AIG1: variants seen among roughly 807,000 people sequenced by gnomAD.
The protein encoded by AIG1 is androgen-induced gene 1 protein.
Under a neutral mutation model 31.4 loss-of-function variants are expected in AIG1, and 23 were observed. The observed-to-expected ratio is 0.73, with a 90% confidence interval of 0.53 to 1.04. AIG1 has a LOEUF of 1.04. Among genes scored for constraint, AIG1 ranks in the 50% least tolerant of loss-of-function variants. AIG1 has a pLI of 0.00. For missense variants in AIG1, 274 were observed against 295.0 expected (o/e 0.93, Z 0.52); for synonymous variants, 100 against 110.5 (o/e 0.90, Z 0.60).
downstream of AIG1, chr6:143,343,409 A>C: frequency 1.9e-6 from 1 of 530,398 alleles, no homozygotes; most frequent in Non-Finnish European, 3.8e-6. Context: ...GTACCGGTGC[A>C]CCTGTCTTGT....
chr6:143,139,539 A>C (rs1002735525), intron 2 of AIG1, among the ~76,000 whole-genome samples: 1 of 151,850 alleles, frequency 6.6e-6, no homozygotes, highest in Admixed American at 6.6e-5. Flanking sequence ...TTGCCCATTG[A>C]TATTTTGTAG....
At chr6:143,341,647 A>G (rs1777858636), downstream of AIG1, among the ~76,000 whole-genome samples, 2 of 152,236 alleles carry the variant, frequency 1.3e-5, no homozygotes, top group Non-Finnish European at 2.9e-5. Context: ...ACTCAGAGGA[A>G]CCAAACCTGC....
intron 3 of AIG1, among the ~76,000 whole-genome samples, chr6:143,169,969 G>A (rs556052705): frequency 2.6e-5 from 4 of 152,140 alleles, no homozygotes; most frequent in African/African-American, 9.6e-5. Flanking sequence ...TTTTGGATGT[G>A]CTGTTGGATT....
At chr6:143,073,123 C>T (rs540375269) in intron 1 of AIG1, among the ~76,000 whole-genome samples, 1 of 152,102 alleles carries the variant, frequency 6.6e-6, no homozygotes, top group African/African-American at 2.4e-5. Context: ...TAAATGAGAC[C>T]ATGCAATATT....
intron 1 of AIG1, chr6:143,061,337 G>C: frequency 3.4e-6 from 2 of 589,720 alleles, no homozygotes; most frequent in South Asian, 1.5e-5. Flanking sequence ...GCAGCCAGGT[G>C]GTGGGCTCTT....
intron 1 of AIG1, among the ~76,000 whole-genome samples, chr6:143,086,107 A>C (rs1190345038): frequency 1.4e-4 from 22 of 152,194 alleles, no homozygotes; most frequent in African/African-American, 5.3e-4. Context: ...TTAGCAAAGC[A>C]GTTGCTGCTA....
At chr6:143,216,637 C>T (rs1055345955) in intron 3 of AIG1, among the ~76,000 whole-genome samples, 7 of 152,190 alleles carry the variant, frequency 4.6e-5, no homozygotes, top group African/African-American at 1.7e-4. Flanking sequence ...CCTGTGAATG[C>T]AGAACAACAT....
intron 1 of AIG1, among the ~76,000 whole-genome samples, chr6:143,113,145 G>A (rs559567270): frequency 1.3e-5 from 2 of 150,910 alleles, no homozygotes; most frequent in South Asian, 2.1e-4. Context: ...CTGGGATCAC[G>A]CCACTACTGC....
At chr6:143,120,010 A>G (rs1257548999) in intron 1 of AIG1, among the ~76,000 whole-genome samples, 2 of 151,968 alleles carry the variant, frequency 1.3e-5, no homozygotes, top group Non-Finnish European at 2.9e-5. Context: ...GCTCACCACA[A>G]CCTCTGCCTC....
chr6:143,282,329 A>C (rs1349060852), intron 3 of AIG1, among the ~76,000 whole-genome samples: 3 of 152,106 alleles, frequency 2.0e-5, no homozygotes, highest in African/African-American at 7.2e-5. Context: ...TTTTTCTTTT[A>C]TGTAAGATTT....
At chr6:143,192,586 A>G (rs143400325) in intron 3 of AIG1, among the ~76,000 whole-genome samples, 2 of 151,638 alleles carry the variant, frequency 1.3e-5, no homozygotes, top group East Asian at 3.9e-4. Flanking sequence ...AGCCTGGGCA[A>G]CAGAGCGAGA....
intron 1 of AIG1, among the ~76,000 whole-genome samples, chr6:143,128,785 T>C (rs1232827892): frequency 6.6e-6 from 1 of 152,214 alleles, no homozygotes; most frequent in East Asian, 1.9e-4. Flanking sequence ...AATCAAACTC[T>C]TATAAACTGA....
chr6:143,159,446 A>G (rs1193148257), intron 2 of AIG1, among the ~76,000 whole-genome samples: 1 of 152,262 alleles, frequency 6.6e-6, no homozygotes, highest in Admixed American at 6.5e-5. Context: ...CCCACGAAAA[A>G]AAGAGCATAA....
At chr6:143,232,202 A>G (rs56333505) in intron 3 of AIG1, among the ~76,000 whole-genome samples, 5,681 of 152,314 alleles carry the variant, frequency 0.037, 150 homozygotes, top group Non-Finnish European at 0.054. Flanking sequence ...GAATTTTCAT[A>G]TAAACCCCAG....
At chr6:143,230,725 G>A (rs551954865) in intron 3 of AIG1, among the ~76,000 whole-genome samples, 1 of 152,034 alleles carries the variant, frequency 6.6e-6, no homozygotes, top group East Asian at 1.9e-4. Flanking sequence ...AGTCAACCTA[G>A]AATTCATTTT....
At chr6:143,194,757 C>T (rs1790086653) in intron 3 of AIG1, among the ~76,000 whole-genome samples, 1 of 152,140 alleles carries the variant, frequency 6.6e-6, no homozygotes, top group South Asian at 2.1e-4. Context: ...GGCAGGTGGC[C>T]CCCAGCATGC....
chr6:143,160,466 T>C (rs1345282188), intron 2 of AIG1, among the ~76,000 whole-genome samples: 1 of 152,204 alleles, frequency 6.6e-6, no homozygotes, highest in Non-Finnish European at 1.5e-5. Context: ...ACTCAAGTAT[T>C]TTATCTCAAA....
In AIG1 at chr6:143,331,635, T is replaced by C. The variant is rs530895719; in HGVS notation, c.516-1647T>C. On this transcript the variant is annotated intron_variant, in intron 4 of 5. Transcript: ENST00000357847. This position sits in a 1 kb window ranked among gnomAD's most constrained non-coding sequence, Gnocchi z 4.1. ...GTGTTTCTATATACATATATGTACA[T>C]CTGTGTGTGTGTATATATGTGTGTG... Among the ~76,000 whole-genome samples the C allele has an allele frequency of 1.3e-5, 2 of 152,164 alleles. No homozygotes were observed. The highest frequency in any genetic ancestry group is 4.2e-4 in the South Asian group (2 of 4,812).
chr6:143,131,050 C>T (rs932150397), intron 1 of AIG1, among the ~76,000 whole-genome samples: 13 of 152,156 alleles, frequency 8.5e-5, no homozygotes, highest in African/African-American at 2.4e-4. Context: ...TTTTAACCAA[C>T]GTTACATTTA....
Sources: gnomAD v4.1 joint callset for allele counts (sites outside exome capture counted in the v4.1 genomes callset) on GRCh38, gnomAD v4.1.1 for gene constraint, Gnocchi (gnomAD v3.1) non-coding constraint, MANE v1.5 for transcripts, NCBI Gene and HGNC (gene_info 2026-07-23, HGNC 2026-07-21) for gene names.